PPP6R3: variants seen among roughly 807,000 people sequenced by gnomAD.
PPP6R3 encodes the protein protein phosphatase 6 regulatory subunit 3.
In PPP6R3, 38 loss-of-function variants were observed where a neutral mutation model predicts 110.7. The ratio of observed to expected loss-of-function variants is 0.34; its 90% confidence interval spans 0.26 to 0.45. PPP6R3 has a LOEUF of 0.45. PPP6R3 is among the 20% of genes least tolerant of loss of function. The pLI, the probability that PPP6R3 is intolerant of heterozygous loss-of-function variation, is 1.00. For missense variants in PPP6R3, 870 were observed against 1,062.4 expected (o/e 0.82, Z 2.52); for synonymous variants, 369 against 373.5 (o/e 0.99, Z 0.14).
chr11:68,546,763 G>T (rs2099350821), intron 4 of PPP6R3, among the ~76,000 whole-genome samples: 1 of 152,154 alleles, frequency 6.6e-6, no homozygotes. Flanking sequence ...CACCCCAGCG[G>T]GGTCATCTGT....
In PPP6R3 at chr11:68,564,429, C is replaced by G. The variant is rs1364274865; in HGVS notation, c.972C>G (p.Pro324=). ...GSFHELLLEP[P]KKSVMKTTWG... ...TTCATGAACTCCTGCTGGAGCCACC[C>G]AAGGTAGGGGAGCTATGTTAAGCAT... The change falls in exon 9 of 24, where the codon CCC becomes CCG. Residue 324 remains proline, a synonymous_variant. Transcript: ENST00000393800. 6.2e-7 allele frequency: 1 copy of G among 1,613,646 alleles called. No individual in the cohort carries two copies. The highest frequency in any genetic ancestry group is 8.5e-7 in the Non-Finnish European group (1 of 1,179,848).
intron 1 of PPP6R3, among the ~76,000 whole-genome samples, chr11:68,481,947 C>T (rs764977438): frequency 1.3e-5 from 2 of 152,002 alleles, no homozygotes; most frequent in Admixed American, 6.6e-5. Context: ...CTGGCCATAG[C>T]GGTTAGGAAG....
At chr11:68,566,091 G>T (rs2099465527) in intron 9 of PPP6R3, among the ~76,000 whole-genome samples, 1 of 152,132 alleles carries the variant, frequency 6.6e-6, no homozygotes, top group African/African-American at 2.4e-5. Flanking sequence ...TCCTGTTGAT[G>T]GACAAGAACA....
intron 2 of PPP6R3, among the ~76,000 whole-genome samples, chr11:68,520,474 C>A (rs1282047041): frequency 6.6e-6 from 1 of 152,146 alleles, no homozygotes; most frequent in Non-Finnish European, 1.5e-5. Flanking sequence ...GGTGGTTTTG[C>A]TGTGAGGGGT....
intron 2 of PPP6R3, among the ~76,000 whole-genome samples, chr11:68,533,987 C>T (rs2099255948): frequency 6.6e-6 from 1 of 152,140 alleles, no homozygotes; most frequent in Admixed American, 6.6e-5. Context: ...GACCACGGCA[C>T]GTTCCATGTT....
chr11:68,595,001 C>A (rs1356041700), intron 18 of PPP6R3, among the ~76,000 whole-genome samples: 6 of 152,064 alleles, frequency 3.9e-5, no homozygotes, highest in East Asian at 3.9e-4. Context: ...GGTGCTGGAA[C>A]CATCAGGCAT....
intron 22 of PPP6R3, chr11:68,609,376 C>T (rs540321187): frequency 1.2e-5 from 8 of 683,016 alleles, no homozygotes; most frequent in African/African-American, 1.1e-4. Flanking sequence ...ACTGAGGCTT[C>T]CAGCCAGCAA....
intron 1 of PPP6R3, among the ~76,000 whole-genome samples, chr11:68,518,646 T>A (rs2099148709): frequency 6.6e-6 from 1 of 152,252 alleles, no homozygotes; most frequent in Non-Finnish European, 1.5e-5. Flanking sequence ...ATTTTTAAAA[T>A]TAAATATACT....
In PPP6R3 at chr11:68,600,330, C is replaced by T; in HGVS notation, c.2039-11C>T. On this transcript the variant is annotated splice_polypyrimidine_tract_variant and intron_variant, in intron 19 of 23. Transcript: ENST00000393800. ...AGTGTTTTCCAAATAGAATTTCTCC[C>T]CTCTTTTTAGCACCCAACTGGTCAG... 2 of 1,612,338 alleles carry T rather than the reference C, an allele frequency of 1.2e-6. No individual in the cohort carries two copies. The highest frequency in any genetic ancestry group is 1.3e-5 in the African/African-American group (1 of 74,972).
At chr11:68,585,251 A>G (rs946698346) in intron 15 of PPP6R3, among the ~76,000 whole-genome samples, 9 of 152,302 alleles carry the variant, frequency 5.9e-5, no homozygotes, top group Admixed American at 5.2e-4. Context: ...TGAGGCCCCC[A>G]TGGAGGTCTG....
intron 12 of PPP6R3, among the ~76,000 whole-genome samples, chr11:68,572,458 C>CT (rs1172150774): frequency 6.6e-6 from 1 of 152,112 alleles, no homozygotes; most frequent in Non-Finnish European, 1.5e-5. Flanking sequence ...CACTTGTGTA[C>CT]TTGAGGGTGT....
At chr11:68,472,237 G>A (rs1466580017) in intron 1 of PPP6R3, among the ~76,000 whole-genome samples, 1 of 152,194 alleles carries the variant, frequency 6.6e-6, no homozygotes, top group Non-Finnish European at 1.5e-5. Context: ...GCCGGGAAGG[G>A]AAGGCGTGCA....
intron 1 of PPP6R3, among the ~76,000 whole-genome samples, chr11:68,500,567 A>C (rs1204278760): frequency 6.6e-6 from 1 of 152,090 alleles, no homozygotes; most frequent in Non-Finnish European, 1.5e-5. Context: ...AACCTCCACC[A>C]CCTGGGTTCA....
At chr11:68,497,156 C>T (rs1050760428) in intron 1 of PPP6R3, among the ~76,000 whole-genome samples, 9 of 151,818 alleles carry the variant, frequency 5.9e-5, no homozygotes, top group African/African-American at 2.2e-4. Flanking sequence ...ACGCCATTCT[C>T]CTGCCTCAGC....
chr11:68,591,921 G>A (rs1261116899), intron 18 of PPP6R3, among the ~76,000 whole-genome samples: 2 of 152,200 alleles, frequency 1.3e-5, no homozygotes, highest in Non-Finnish European at 2.9e-5. Context: ...GACACAGTTC[G>A]TGAGGTGTTG....
intron 1 of PPP6R3, among the ~76,000 whole-genome samples, chr11:68,513,244 C>T (rs1237163163): frequency 6.6e-6 from 1 of 152,114 alleles, no homozygotes; most frequent in African/African-American, 2.4e-5. Context: ...TAAATCCCCT[C>T]TCATGTATCT....
rs1244139889 is a variant in PPP6R3 at position 68,601,927 on chromosome 11, C to A, written c.2257C>A (p.Pro753Thr). 6.2e-7 allele frequency: 1 copy of A among 1,613,282 alleles called. No individual in the cohort carries two copies. The highest frequency in any genetic ancestry group is 1.3e-5 in the African/African-American group (1 of 74,904). The change falls in exon 21 of 24, where the codon CCT becomes ACT. Residue 753 changes from proline to threonine, a missense_variant. Physicochemically the swap from Pro to Thr is conservative, Grantham distance 38. Coordinates refer to ENST00000393800, the MANE Select transcript of PPP6R3 (RefSeq NM_001164161.2). ...GGAAACCAGCACTGAACCCATGGAC[C>A]CTCTGACTCCCAGTGCGGCTGCCCT... The part of the protein sequence containing the change: ...EMETSTEPMD[P>T]LTPSAAALAV...
Position 68,554,207 on chromosome 11 carries a change from A to G in PPP6R3, c.681A>G (p.Leu227=). The change falls in exon 7 of 24, where the codon TTA becomes TTG. Residue 227 remains leucine, a synonymous_variant. Transcript: ENST00000393800. The part of the protein sequence containing the change: ...EIVRLSRDQM[L]QIQNSTEPDP... ...TTCGCCTGAGCAGAGACCAGATGTT[A>G]CAAATTCAGAACAGTACAGAGCCCG... The G allele has an allele frequency of 1.9e-6, 3 of 1,614,036 alleles. No individual in the cohort carries two copies. Among genetic ancestry groups the G allele is most frequent in the Non-Finnish European group, 2.5e-6 (3 of 1,179,952 alleles).
chr11:68,578,055 G>A (rs889784143), intron 14 of PPP6R3, among the ~76,000 whole-genome samples: 3 of 151,998 alleles, frequency 2.0e-5, no homozygotes, highest in African/African-American at 7.2e-5. Flanking sequence ...TACCACTTCC[G>A]TTTAGTCTTA....
Sources: gnomAD v4.1 joint callset for allele counts (sites outside exome capture counted in the v4.1 genomes callset) on GRCh38, gnomAD v4.1.1 for gene constraint, MANE v1.5 for transcripts, NCBI Gene and HGNC (gene_info 2026-07-23, HGNC 2026-07-21) for gene names.